The following ZEB1 variants were observed in gnomAD, a reference collection of about 807,000 sequenced individuals.
ZEB1 encodes zinc finger E-box binding homeobox 1.
A neutral mutation model predicts 84.9 loss-of-function variants in ZEB1; 21 were observed. The observed-to-expected ratio is 0.25, with a 90% CI of 0.18 to 0.36. ZEB1 has a LOEUF of 0.36. ZEB1 is among the 10% of genes least tolerant of loss of function. The pLI, the probability that ZEB1 is intolerant of heterozygous loss-of-function variation, is 1.00. For synonymous variants in ZEB1, 420 were observed against 471.1 expected (o/e 0.89, Z 1.41); for missense variants, 1,104 against 1,330.2 (o/e 0.83, Z 2.65).
At chr10:31,416,918 A>G (rs2055313103) in intron 1 of ZEB1, among the ~76,000 whole-genome samples, 1 of 152,080 alleles carries the variant, frequency 6.6e-6, no homozygotes, top group African/African-American at 2.4e-5. Flanking sequence ...TTACAAAACC[A>G]TTATTGTCCA....
intron 2 of ZEB1, among the ~76,000 whole-genome samples, chr10:31,477,668 TAGATC>T (rs1365349031): frequency 3.3e-5 from 5 of 152,018 alleles, no homozygotes; most frequent in South Asian, 4.1e-4. Flanking sequence ...GATGGACACA[TAGATC>T]AGAGGAATAG....
intron 2 of ZEB1, among the ~76,000 whole-genome samples, chr10:31,488,125 C>CT (rs2065979668): frequency 6.6e-6 from 1 of 150,404 alleles, no homozygotes; most frequent in Non-Finnish European, 1.5e-5. Context: ...TAATCCTGGC[C>CT]TTAAAAAAAA....
chr10:31,500,482 C>T (rs890182002), intron 3 of ZEB1, among the ~76,000 whole-genome samples: 33 of 152,246 alleles, frequency 2.2e-4, no homozygotes, highest in Admixed American at 9.8e-4. Context: ...ACCCCCATTT[C>T]AGTTGTGCTT....
intron 1 of ZEB1, among the ~76,000 whole-genome samples, chr10:31,425,286 T>G (rs1371726368): frequency 1.3e-5 from 2 of 152,098 alleles, no homozygotes; most frequent in Non-Finnish European, 2.9e-5. Flanking sequence ...TTTAAAATTT[T>G]GAAACCATTA....
chr10:31,318,835 G>A (rs1263786943), upstream of ZEB1: 6 of 337,182 alleles, frequency 1.8e-5, no homozygotes, highest in Non-Finnish European at 2.9e-5. Context: ...TCCCTGCCCC[G>A]GGCAGCCGCG....
intron 1 of ZEB1, among the ~76,000 whole-genome samples, chr10:31,327,120 T>TTTTTTC (rs2035704191): frequency 7.8e-6 from 1 of 128,280 alleles, no homozygotes; most frequent in African/African-American, 3.9e-5. Context: ...TTTTTTTTTT[T>TTTTTTC]TGAGACAGTT....
intron 1 of ZEB1, among the ~76,000 whole-genome samples, chr10:31,403,721 C>G (rs2052477997): frequency 6.6e-6 from 1 of 151,920 alleles, no homozygotes; most frequent in South Asian, 2.1e-4. Flanking sequence ...AGAGTGATTA[C>G]TAGTATATTA....
intron 1 of ZEB1, among the ~76,000 whole-genome samples, chr10:31,352,335 A>G (rs1289153659): frequency 1.3e-5 from 2 of 152,186 alleles, no homozygotes; most frequent in African/African-American, 4.8e-5. Context: ...CCATAATTCT[A>G]TTTCGGTAGT....
At chr10:31,445,760 T>C (rs2136786061) in intron 1 of ZEB1, among the ~76,000 whole-genome samples, 1 of 97,550 alleles carries the variant, frequency 1.0e-5, no homozygotes, top group Non-Finnish European at 2.0e-5. Flanking sequence ...ATCCCAGGGA[T>C]GAAGCCCACT....
At chr10:31,367,135 A>T (rs577160937) in intron 1 of ZEB1, among the ~76,000 whole-genome samples, 86 of 152,234 alleles carry the variant, frequency 5.6e-4, no homozygotes, top group South Asian at 2.3e-3. Flanking sequence ...GGGTTTGGGG[A>T]TAAGTTGTGT....
At chr10:31,320,741 CTT>C (rs1383029812) in intron 1 of ZEB1, 1 of 152,234 alleles carries the variant, frequency 6.6e-6, no homozygotes, top group Non-Finnish European at 1.5e-5. Context: ...CGATGCTATG[CTT>C]TCTCTCCCTC....
At chr10:31,431,476 T>C (rs546950489) in intron 1 of ZEB1, among the ~76,000 whole-genome samples, 39 of 152,308 alleles carry the variant, frequency 2.6e-4, no homozygotes, top group African/African-American at 9.4e-4. Context: ...TCCCAGAGTA[T>C]GTTGCAGGGA....
intron 1 of ZEB1, among the ~76,000 whole-genome samples, chr10:31,324,803 G>A (rs1564462056): frequency 6.6e-6 from 1 of 151,994 alleles, no homozygotes; most frequent in Non-Finnish European, 1.5e-5. Context: ...TTTTTAAAGG[G>A]TAGATGTTGT....
intron 2 of ZEB1, among the ~76,000 whole-genome samples, chr10:31,468,490 A>G (rs1474990381): frequency 2.6e-5 from 4 of 152,158 alleles, no homozygotes; most frequent in Admixed American, 6.5e-5. Context: ...GCACAACCCA[A>G]TATAATTCCT....
chr10:31,478,544 C>G (rs1022508185), intron 2 of ZEB1, among the ~76,000 whole-genome samples: 2 of 151,828 alleles, frequency 1.3e-5, no homozygotes, highest in Non-Finnish European at 2.9e-5. Flanking sequence ...AAGAAAGACA[C>G]CTTTATGTAT....
intron 2 of ZEB1, among the ~76,000 whole-genome samples, chr10:31,495,183 C>T (rs2067051187): frequency 1.3e-5 from 2 of 151,918 alleles, no homozygotes; most frequent in Admixed American, 6.6e-5. Flanking sequence ...CTCCAAGCCT[C>T]AAGTTTTTTA....
At chr10:31,468,756 C>G (rs1226727581) in intron 2 of ZEB1, among the ~76,000 whole-genome samples, 1 of 152,152 alleles carries the variant, frequency 6.6e-6, no homozygotes, top group East Asian at 1.9e-4. Flanking sequence ...GAGTCACACC[C>G]TCAAGGGGCA....
intron 8 of ZEB1, among the ~76,000 whole-genome samples, chr10:31,525,112 A>G (rs1257142172): frequency 6.6e-6 from 1 of 152,228 alleles, no homozygotes; most frequent in African/African-American, 2.4e-5. Context: ...AATTATGTGA[A>G]AGTCAAATAT....
At chr10:31,406,597 C>T (rs1329499833) in intron 1 of ZEB1, among the ~76,000 whole-genome samples, 1 of 151,640 alleles carries the variant, frequency 6.6e-6, no homozygotes, top group Non-Finnish European at 1.5e-5. Context: ...TATTAGCCTT[C>T]TGTCAGATGG....
Sources: gnomAD v4.1 joint callset for allele counts (sites outside exome capture counted in the v4.1 genomes callset) on GRCh38, gnomAD v4.1.1 for gene constraint, MANE v1.5 for transcripts, NCBI Gene and HGNC (gene_info 2026-07-23, HGNC 2026-07-21) for gene names.